Variants in AHR observed in about 807,000 individuals in gnomAD.
AHR encodes the protein AH-receptor.
Under a neutral mutation model 86.8 loss-of-function variants are expected in AHR, and 40 were observed. That is an observed-to-expected ratio of 0.46 (90% CI 0.36 to 0.60). AHR has a LOEUF of 0.60. Among genes scored for constraint, AHR ranks in the 20% least tolerant of loss-of-function variants. The pLI is 0.00. For missense variants in AHR, 1,001 were observed against 1,011.6 expected, an observed-to-expected ratio of 0.99 and a Z score of 0.14; for synonymous variants, 398 against 354.9, an observed-to-expected ratio of 1.12 and a Z score of -1.37.
chr7:17,342,803 A>T (rs1225077896), intron 10 of AHR, 118 bp from the exon 11 acceptor site: 2 of 942,136 alleles, frequency 2.1e-6, no homozygotes, highest in African/African-American at 3.3e-5. Flanking sequence ...CAGTAAAGGA[A>T]CTTGAAGTTT....
chr7:17,302,040 A>C (rs1781959972), intron 1 of AHR, among the ~76,000 whole-genome samples: 1 of 152,030 alleles, frequency 6.6e-6, no homozygotes, highest in Non-Finnish European at 1.5e-5. Flanking sequence ...GAAGATAGTC[A>C]AAAAGGCCAT....
intron 1 of AHR, among the ~76,000 whole-genome samples, chr7:17,301,420 GAA>G (rs1781953974): frequency 6.6e-6 from 1 of 151,978 alleles, no homozygotes; most frequent in South Asian, 2.1e-4. Context: ...CAACATTGGG[GAA>G]AATAGATCTT....
At chr7:17,299,449 C>A in intron 1 of AHR, 120 bp downstream of exon 1, 1 of 1,154,818 alleles carries the variant, frequency 8.7e-7, no homozygotes, top group Non-Finnish European at 1.2e-6. Context: ...ATTCCCGGCA[C>A]TGCCCGTGGA....
intron 2 of AHR, 68 bp downstream of exon 2, chr7:17,310,191 T>C (rs551194493): frequency 1.4e-6 from 2 of 1,402,954 alleles, no homozygotes; most frequent in Non-Finnish European, 1.9e-6. Context: ...TATAGCTGTT[T>C]CTGTGTTAAT....
intron 2 of AHR, among the ~76,000 whole-genome samples, chr7:17,317,264 A>C (rs1384319415): frequency 6.6e-6 from 1 of 152,016 alleles, no homozygotes; most frequent in Non-Finnish European, 1.5e-5. Flanking sequence ...TTGATATAAT[A>C]CATAATAATT....
chr7:17,313,131 G>GT (rs35006850), intron 2 of AHR, among the ~76,000 whole-genome samples: 18 of 148,966 alleles, frequency 1.2e-4, no homozygotes, highest in South Asian at 4.2e-4. Context: ...AAATAATAAG[G>GT]TTTTTTTTTT....
intron 3 of AHR, among the ~76,000 whole-genome samples, chr7:17,323,775 A>G (rs1782197940): frequency 6.6e-6 from 1 of 152,218 alleles, no homozygotes. Context: ...AACAAAGTAA[A>G]TCTATTAAAG....
At chr7:17,326,436 A>G (rs1459529097) in intron 3 of AHR, among the ~76,000 whole-genome samples, 1 of 152,230 alleles carries the variant, frequency 6.6e-6, no homozygotes, top group Non-Finnish European at 1.5e-5. Context: ...AAATCCCAGT[A>G]CTTAGCATAC....
Position 17,330,202 on chromosome 7 carries a change from A to G in AHR, c.574+127A>G, listed in dbSNP as rs1004963641. 8.8e-6 allele frequency: 8 copies of G among 912,118 alleles called. No individual in the cohort carries two copies. The African/African-American group carries it at 1.4e-4, about 15-fold the overall frequency. 56.5% of individuals were successfully genotyped at this position (912,118 alleles called of 1,614,324 possible). A position where few individuals can be genotyped will look rare whatever the true frequency, so the allele number is the denominator to read the frequency against. ...AGTAGTGGAAAGATGTAAAGTCTGC[A>G]ATCATAGGCCACAGCTAGGTCACAA... On this transcript the variant is annotated intron_variant, in intron 5 of 10. Coordinates refer to ENST00000242057, the MANE Select transcript of AHR (RefSeq NM_001621.5).
chr7:17,339,854 G>T lies in AHR; in HGVS notation c.2029G>T (p.Asp677Tyr). ...QDPQQYNVFT[D>Y]LHGISQEFPY... Reference sequence around the variant, plus strand: ...CCCACAACAATATAATGTCTTTACAGACTTACATGGGATCAGTCAAGAGTT... The same window carrying T: ...CCCACAACAATATAATGTCTTTACATACTTACATGGGATCAGTCAAGAGTT... Residue 677 changes from aspartate to tyrosine, a missense_variant, in exon 10 of 11, where the codon GAC (aspartate) becomes TAC (tyrosine). Around this residue, in one of 2 missense-constraint regions of AHR, gnomAD observed 607 missense variants for 543.1 expected, o/e 1.12. Transcript: ENST00000242057. 4 of 1,614,152 alleles carry T rather than the reference G, an allele frequency of 2.5e-6. No homozygotes were observed. Among genetic ancestry groups the T allele is most frequent in the Non-Finnish European group, 3.4e-6 (4 of 1,180,004 alleles).
At chr7:17,315,572 G>T (rs193207018) in intron 2 of AHR, among the ~76,000 whole-genome samples, 56 of 151,794 alleles carry the variant, frequency 3.7e-4, no homozygotes, top group African/African-American at 1.3e-3. Context: ...TCTTTTTAGG[G>T]AGACTACCGT....
rs543252663 is a variant in AHR, at chr7:17,315,422, A to G, written c.253+5299A>G. ...AAACAATCTAAACTCATTGTATCAT[A>G]TATTATGTATTTTGCTGCTTTCCTG... On this transcript the variant is annotated intron_variant, in intron 2 of 10. Coordinates refer to ENST00000242057, the MANE Select transcript of AHR (RefSeq NM_001621.5). Among the ~76,000 whole-genome samples the G allele has an allele frequency of 3.3e-5, 5 of 152,140 alleles. No homozygotes were observed. In the East Asian group the frequency reaches 7.7e-4, roughly 23 times the overall value.
intron 3 of AHR, among the ~76,000 whole-genome samples, chr7:17,323,465 TC>T (rs1297760444): frequency 6.6e-6 from 1 of 152,116 alleles, no homozygotes; most frequent in Non-Finnish European, 1.5e-5. Flanking sequence ...CTTTTTTTAC[TC>T]TTTTTTTTAG....
chr7:17,309,607 AAAC>A (rs1236873023), intron 1 of AHR, among the ~76,000 whole-genome samples: 1 of 152,240 alleles, frequency 6.6e-6, no homozygotes, highest in Admixed American at 6.5e-5. Context: ...ATTTTCCACC[AAAC>A]AATGGCTAAT....
chr7:17,332,217 C>T (rs61615036), intron 6 of AHR, among the ~76,000 whole-genome samples: 3,755 of 151,974 alleles, frequency 0.025, 150 homozygotes, highest in African/African-American at 0.086. Flanking sequence ...ATATATGATA[C>T]ATAATACTTG....
rs149334213 is a variant in AHR at position 17,328,186 on chromosome 7, T to C, written c.450+338T>C. 5.4e-3 allele frequency among the ~76,000 whole-genome samples: 827 copies of C among 152,008 alleles called. 6 individuals are homozygous for C. Among genetic ancestry groups the C allele is most frequent in the African/African-American group, 0.019 (782 of 41,528 alleles). On this transcript the variant is annotated intron_variant, in intron 4 of 10. Coordinates refer to ENST00000242057, the MANE Select transcript of AHR (RefSeq NM_001621.5). ...CAGAGGATATATGACAACTATGAAA[T>C]GAATGAGATGCTGTTAAAAAGTACA...
intron 10 of AHR, among the ~76,000 whole-genome samples, chr7:17,341,873 T>C (rs1486240059): frequency 6.6e-6 from 1 of 152,182 alleles, no homozygotes; most frequent in African/African-American, 2.4e-5. Context: ...CACTGCTGTG[T>C]ACAGTATGTT....
chr7:17,334,960 G>A lies in AHR; in HGVS notation c.982G>A (p.Ala328Thr). The A allele has an allele frequency of 6.2e-7, 1 of 1,613,278 alleles. No individual in the cohort carries two copies. Among genetic ancestry groups the A allele is most frequent in the Non-Finnish European group, 8.5e-7 (1 of 1,179,396 alleles). The part of the protein sequence containing the change: ...RGSGYQFIHA[A>T]DMLYCAESHI... The stretch of plus-strand genomic sequence containing the variant: ...CTCAGGTTATCAGTTTATTCATGCA[G>A]CTGATATGCTTTATTGTGCCGAGTC... Residue 328 changes from alanine (A) to threonine (T), a missense_variant, in exon 8 of 11, where the codon GCT becomes ACT. Ala to Thr is a moderately conservative substitution (Grantham distance 58). This residue lies in a region of AHR where 394 missense variants were observed against 468.5 expected (regional missense o/e 0.84). Transcript: ENST00000242057.
chr7:17,335,896 A>G, intron 9 of AHR, 110 bp downstream of exon 9: 1 of 1,178,208 alleles, frequency 8.5e-7, no homozygotes, highest in Admixed American at 2.7e-5. Context: ...AAAAATTGAA[A>G]AGTTTAATTC....
Sources: gnomAD v4.1 joint callset for allele counts (sites outside exome capture counted in the v4.1 genomes callset) on GRCh38, gnomAD v4.1.1 for gene constraint, gnomAD v4.1.1 regional missense constraint, MANE v1.5 for transcripts, NCBI Gene and HGNC (gene_info 2026-07-23, HGNC 2026-07-21) for gene names.